Variants in ELAPOR2 observed in about 807,000 individuals in gnomAD.
ELAPOR2 encodes endosome-lysosome associated apoptosis and autophagy regulator family member 2.
ELAPOR2 carries 89 observed loss-of-function variants against 120.7 expected under a neutral mutation model. That is an observed-to-expected ratio of 0.74 (90% confidence interval 0.62 to 0.88). The LOEUF (loss-of-function observed/expected upper bound fraction) is 0.88, where lower values mean the gene tolerates loss of function less well. Among genes scored for constraint, ELAPOR2 ranks in the 40% least tolerant of loss-of-function variants. ELAPOR2 has a pLI of 0.00. For missense variants in ELAPOR2, 1,134 were observed against 1,251.6 expected (o/e 0.91, Z 1.42); for synonymous variants, 444 against 444.9 (o/e 1.00, Z 0.03).
chr7:86,882,607 G>A (rs182636317), intron 21 of ELAPOR2, among the ~76,000 whole-genome samples: 53 of 152,158 alleles, frequency 3.5e-4, no homozygotes, highest in African/African-American at 1.3e-3. Context: ...CTAACTGACT[G>A]GGACTTCCTA....
chr7:87,036,954 C>A (rs781031736), intron 1 of ELAPOR2, among the ~76,000 whole-genome samples: 2 of 152,214 alleles, frequency 1.3e-5, no homozygotes, highest in Non-Finnish European at 2.9e-5. Context: ...TAAGAAAACA[C>A]CCTGAATATT....
chr7:87,016,080 A>G (rs1445212315), intron 1 of ELAPOR2, among the ~76,000 whole-genome samples: 1 of 152,154 alleles, frequency 6.6e-6, no homozygotes, highest in Non-Finnish European at 1.5e-5. Context: ...GAAACCTGAG[A>G]CAAACAAATC....
chr7:86,995,588 G>A (rs1793096999), intron 1 of ELAPOR2, among the ~76,000 whole-genome samples: 1 of 152,146 alleles, frequency 6.6e-6, no homozygotes, highest in African/African-American at 2.4e-5. Context: ...GTAAGACCTG[G>A]CTCCCTGTTA....
intron 1 of ELAPOR2, among the ~76,000 whole-genome samples, chr7:86,978,931 G>A (rs1440524847): frequency 6.6e-6 from 1 of 152,192 alleles, no homozygotes; most frequent in Non-Finnish European, 1.5e-5. Flanking sequence ...GGCAGGTACT[G>A]ACACATTTCC....
At chr7:86,902,056 T>C (rs1350167994) in intron 18 of ELAPOR2, among the ~76,000 whole-genome samples, 1 of 152,200 alleles carries the variant, frequency 6.6e-6, no homozygotes, top group Non-Finnish European at 1.5e-5. Context: ...AAGATCACAA[T>C]GTCAGCAGAT....
At chr7:86,940,516 C>G (rs547432294) in intron 5 of ELAPOR2, among the ~76,000 whole-genome samples, 1 of 151,980 alleles carries the variant, frequency 6.6e-6, no homozygotes, top group South Asian at 2.1e-4. Flanking sequence ...CAAAAGGCAA[C>G]AGAATGAGTT....
chr7:87,008,193 T>C (rs1793545684), intron 1 of ELAPOR2, among the ~76,000 whole-genome samples: 1 of 152,200 alleles, frequency 6.6e-6, no homozygotes, highest in East Asian at 1.9e-4. Context: ...ACTGTGTTAT[T>C]TGTGTCAAAA....
intron 18 of ELAPOR2, among the ~76,000 whole-genome samples, chr7:86,900,139 T>A (rs1788650049): frequency 6.6e-6 from 1 of 152,002 alleles, no homozygotes; most frequent in Non-Finnish European, 1.5e-5. Flanking sequence ...TCTAGCACAG[T>A]GGAGTTTTGA....
intron 18 of ELAPOR2, among the ~76,000 whole-genome samples, chr7:86,906,753 G>A (rs1268565725): frequency 2.0e-5 from 3 of 152,078 alleles, no homozygotes; most frequent in African/African-American, 7.2e-5. Flanking sequence ...ATCTGGCTGG[G>A]TGCAATGGGT....
At chr7:86,908,785 C>G (rs1423652574) in intron 16 of ELAPOR2, among the ~76,000 whole-genome samples, 1 of 152,024 alleles carries the variant, frequency 6.6e-6, no homozygotes, top group East Asian at 1.9e-4. Flanking sequence ...TTCCCTGGGT[C>G]TTGTTGCCTG....
chr7:86,977,369 ACTT>A (rs1370026822), intron 1 of ELAPOR2, among the ~76,000 whole-genome samples: 1 of 152,144 alleles, frequency 6.6e-6, no homozygotes, highest in Non-Finnish European at 1.5e-5. Flanking sequence ...AAATCTAAAA[ACTT>A]CATAAACAGA....
Position 86,970,846 on chromosome 7 carries a change from T to C in ELAPOR2, c.190-5822A>G, listed in dbSNP as rs184915037. Among the ~76,000 whole-genome samples, 12 of 152,316 alleles carry C rather than the reference T, an allele frequency of 7.9e-5. No homozygotes were observed. The East Asian group carries it at 1.7e-3, about 22-fold the overall frequency. On this transcript the variant is annotated intron_variant, in intron 1 of 21. Transcript: ENST00000450689. ...CCACTGTATTTCTTTTTAGAAATTA[T>C]TTTGGAAAAAGTTCATATTTTAAAC...
At chr7:86,922,113 T>C (rs999134088) in intron 10 of ELAPOR2, among the ~76,000 whole-genome samples, 57 of 152,106 alleles carry the variant, frequency 3.7e-4, no homozygotes, top group South Asian at 1.2e-3. Context: ...TGCCTTTTAC[T>C]GTGCCCTGGT....
intron 21 of ELAPOR2, among the ~76,000 whole-genome samples, chr7:86,886,845 A>T (rs1173086837): frequency 6.6e-6 from 1 of 152,114 alleles, no homozygotes; most frequent in Non-Finnish European, 1.5e-5. Context: ...AGGTTCTACT[A>T]CATGTTGGGC....
intron 1 of ELAPOR2, among the ~76,000 whole-genome samples, chr7:87,048,824 C>T (rs1795021749): frequency 6.6e-6 from 1 of 152,158 alleles, no homozygotes; most frequent in Non-Finnish European, 1.5e-5. Context: ...AGCATTTTTA[C>T]CATCAAATTA....
chr7:86,996,051 T>C (rs1793111845), intron 1 of ELAPOR2, among the ~76,000 whole-genome samples: 1 of 151,640 alleles, frequency 6.6e-6, no homozygotes, highest in Admixed American at 6.6e-5. Flanking sequence ...CTGAGCTAAA[T>C]GCAAATGTGA....
chr7:86,917,212 G>T (rs1203292092), intron 12 of ELAPOR2, among the ~76,000 whole-genome samples: 2 of 151,984 alleles, frequency 1.3e-5, no homozygotes, highest in African/African-American at 2.4e-5. Context: ...CTGAGGTCAG[G>T]AGTTCAAGAA....
chr7:87,055,133 C>A (rs1300967925), intron 1 of ELAPOR2, among the ~76,000 whole-genome samples: 2 of 152,154 alleles, frequency 1.3e-5, no homozygotes, highest in African/African-American at 2.4e-5. Flanking sequence ...CCACACCATG[C>A]CCCTGAGGAA....
chr7:86,883,261 C>T (rs966274885), intron 21 of ELAPOR2, among the ~76,000 whole-genome samples: 1 of 151,688 alleles, frequency 6.6e-6, no homozygotes. Flanking sequence ...ATACATAAAC[C>T]CGAGAATTGC....
Sources: gnomAD v4.1 joint callset for allele counts (sites outside exome capture counted in the v4.1 genomes callset) on GRCh38, gnomAD v4.1.1 for gene constraint, MANE v1.5 for transcripts, NCBI Gene and HGNC (gene_info 2026-07-23, HGNC 2026-07-21) for gene names.